Variants in USPL1 observed in about 807,000 individuals in gnomAD.
The protein encoded by USPL1 is ubiquitin specific peptidase like 1.
USPL1 carries 27 observed loss-of-function variants against 51.5 expected under a neutral mutation model. That is an observed-to-expected ratio of 0.52 (90% CI 0.39 to 0.72). The LOEUF (loss-of-function observed/expected upper bound fraction) is 0.72, where lower values mean the gene tolerates loss of function less well. USPL1 is among the 30% of genes least tolerant of loss of function. The pLI, the probability that USPL1 is intolerant of heterozygous loss-of-function variation, is 0.00. For missense variants in USPL1, 1,226 were observed against 1,268.0 expected, an observed-to-expected ratio of 0.97 and a Z score of 0.50; for synonymous variants, 451 against 459.6, an observed-to-expected ratio of 0.98 and a Z score of 0.24.
Position 30,625,344 on chromosome 13 carries a change from A to G in USPL1, c.228+3452A>G, listed in dbSNP as rs139230639. ...AGAGCAAGGTTTTGGGGAGAAGATC[A>G]GGACTGTAAGAATAGAGAAGTCCTT... On this transcript the variant is annotated intron_variant, in intron 3 of 8. Coordinates refer to ENST00000255304, the MANE Select transcript of USPL1 (RefSeq NM_005800.5). 3.9e-3 allele frequency among the ~76,000 whole-genome samples: 589 copies of G among 152,248 alleles called. 2 individuals are homozygous for G. The highest frequency in any genetic ancestry group is 0.013 in the African/African-American group (560 of 41,532).
intron 6 of USPL1, among the ~76,000 whole-genome samples, chr13:30,645,012 C>A (rs1214770999): frequency 6.6e-6 from 1 of 152,098 alleles, no homozygotes; most frequent in African/African-American, 2.4e-5. Context: ...ATCCTAGTGT[C>A]CTCATTTGGC....
intron 6 of USPL1, among the ~76,000 whole-genome samples, chr13:30,645,250 A>G (rs1444691117): frequency 6.6e-6 from 1 of 152,206 alleles, no homozygotes; most frequent in Non-Finnish European, 1.5e-5. Flanking sequence ...GTTGTTTGAC[A>G]GTTTTCGGTT....
rs748578356 is a variant in USPL1 at position 30,657,699 on chromosome 13, C to T, written c.1622C>T (p.Ser541Leu). Reference protein sequence around the residue: ...LTSCSVGDAASAETASVTHPK... With the variant: ...LTSCSVGDAALAETASVTHPK... ...TCGTGTTCTGTGGGTGATGCTGCCT[C>T]AGCTGAAACAGCCTCAGTAACTCAC... Residue 541 changes from serine (S) to leucine (L), a missense_variant, in exon 9 of 9, where the codon TCA (serine) becomes TTA (leucine). Ser to Leu is a moderately radical substitution (Grantham distance 145). Transcript: ENST00000255304. 8.7e-6 allele frequency: 14 copies of T among 1,614,062 alleles called. No individual in the cohort carries two copies. Among genetic ancestry groups the T allele is most frequent in the Admixed American group, 3.3e-5 (2 of 60,010 alleles).
At chr13:30,628,422 A>G (rs180909286) in intron 3 of USPL1, among the ~76,000 whole-genome samples, 1 of 152,108 alleles carries the variant, frequency 6.6e-6, no homozygotes, top group Admixed American at 6.5e-5. Context: ...AAGTTCTGGG[A>G]TACATGTGCA....
In USPL1 at chr13:30,647,002, G is replaced by T. The variant is rs756082560; in HGVS notation, c.1183G>T (p.Gly395Cys). 15 of 1,613,594 alleles carry T rather than the reference G, an allele frequency of 9.3e-6. No homozygotes were observed. Among genetic ancestry groups the T allele is most frequent in the Non-Finnish European group, 1.2e-5 (14 of 1,179,732 alleles). ...EWHPLNAAHF[G>C]PCNNCNSKSQ... ...GCACCCACTTAATGCTGCCCATTTT[G>T]GTCCATGTAACAATTGCAACAGTAA... Residue 395 changes from glycine (G) to cysteine (C), a missense_variant, in exon 7 of 9, where the codon GGT (glycine) becomes TGT (cysteine). Physicochemically the swap from Gly to Cys is radical, Grantham distance 159. Transcript: ENST00000255304.
chr13:30,631,068 T>A lies in USPL1; in HGVS notation c.462T>A (p.Pro154=). The change falls in exon 4 of 9, where the codon CCT becomes CCA. Residue 154 remains proline, a synonymous_variant. Coordinates refer to ENST00000255304, the MANE Select transcript of USPL1 (RefSeq NM_005800.5). ...EVYDETSSNL[P]DSSGQQNPIR... Reference sequence around the variant, plus strand: ...ATGACGAAACCTCGTCAAACTTACCTGATAGTAGTGGTCAACAGAATCCAA... The same window carrying A: ...ATGACGAAACCTCGTCAAACTTACCAGATAGTAGTGGTCAACAGAATCCAA... 6.2e-7 allele frequency: 1 copy of A among 1,614,180 alleles called. No homozygotes were observed. Among genetic ancestry groups the A allele is most frequent in the Non-Finnish European group, 8.5e-7 (1 of 1,180,032 alleles).
Position 30,621,751 on chromosome 13 carries a change from A to G in USPL1, c.100-13A>G, listed in dbSNP as rs770036514. On this transcript the variant is annotated splice_polypyrimidine_tract_variant and intron_variant, in intron 2 of 8. Coordinates refer to ENST00000255304, the MANE Select transcript of USPL1 (RefSeq NM_005800.5). Reference sequence around the variant, plus strand: ...GAATGTCTATATTTTAATTTGCTTTATTTCTCTTTTAGAATTTTGATTCAG... The same window carrying G: ...GAATGTCTATATTTTAATTTGCTTTGTTTCTCTTTTAGAATTTTGATTCAG... 4.1e-6 allele frequency: 6 copies of G among 1,459,092 alleles called. No homozygotes were observed. Among genetic ancestry groups the G allele is most frequent in the Non-Finnish European group, 4.5e-6 (5 of 1,105,616 alleles). The allele number at this position is 1,459,092 out of a possible 1,614,324, so 90.4% of individuals were successfully genotyped here. A position where few individuals can be genotyped will look rare whatever the true frequency, so the allele number is the denominator to read the frequency against.
At position 30,657,987 on chromosome 13, in the gene USPL1, C is replaced by T; in HGVS notation, c.1910C>T (p.Ser637Leu). 1 of 1,613,570 alleles carries T rather than the reference C, an allele frequency of 6.2e-7. No homozygotes were observed. ...GAATCACTAATGGCTTCTTCAGTATCAGCTCCATGTAATGAAAAGCTTATT... is the reference window on the plus strand; with the variant it reads ...GAATCACTAATGGCTTCTTCAGTATTAGCTCCATGTAATGAAAAGCTTATT... ...SQESLMASSVSAPCNEKLIQD... is the reference protein window; with the variant it reads ...SQESLMASSVLAPCNEKLIQD... Residue 637 changes from serine (S) to leucine (L), a missense_variant, in exon 9 of 9, where the codon TCA becomes TTA. Ser to Leu is a moderately radical substitution (Grantham distance 145, BLOSUM62 -2). Transcript: ENST00000255304.
At chr13:30,656,597 T>C (rs541620405) in intron 8 of USPL1, among the ~76,000 whole-genome samples, 6 of 152,368 alleles carry the variant, frequency 3.9e-5, no homozygotes, top group Admixed American at 1.3e-4. Flanking sequence ...GTTACGGACA[T>C]TTGACTATTG....
At chr13:30,623,080 G>A (rs1011618193) in intron 3 of USPL1, among the ~76,000 whole-genome samples, 1 of 152,094 alleles carries the variant, frequency 6.6e-6, no homozygotes, top group Non-Finnish European at 1.5e-5. Context: ...AGGCAGTAGG[G>A]ACTGGAATGC....
intron 8 of USPL1, among the ~76,000 whole-genome samples, chr13:30,656,107 G>A (rs540867020): frequency 1.4e-3 from 220 of 152,290 alleles, no homozygotes; most frequent in African/African-American, 5.1e-3. Flanking sequence ...TCATGTGGTA[G>A]TAAGTAAAAT....
rs749743447 is a variant in USPL1 at position 30,658,499 on chromosome 13, G to A, written c.2422G>A (p.Ala808Thr). The change falls in exon 9 of 9, where the codon GCC becomes ACC. Residue 808 changes from alanine (A) to threonine (T), a missense_variant. Transcript: ENST00000255304. ...GFKTKGINQKASHVSKKARKS... is the reference protein window; with the variant it reads ...GFKTKGINQKTSHVSKKARKS... ...TAAAACTAAAGGTATAAACCAGAAG[G>A]CCAGCCACGTATCCAAGAAAGCTCG... 1.9e-6 allele frequency: 3 copies of A among 1,613,908 alleles called. No individual in the cohort carries two copies. In the East Asian group the frequency reaches 6.7e-5, roughly 36 times the overall value.
chr13:30,637,224 A>G (rs759565998), intron 4 of USPL1, among the ~76,000 whole-genome samples: 2 of 152,200 alleles, frequency 1.3e-5, no homozygotes, highest in African/African-American at 2.4e-5. Context: ...GATAAACACT[A>G]TGTTGCCACT....
rs1487649961 is a variant in USPL1 at position 30,658,422 on chromosome 13, C to A, written c.2345C>A (p.Thr782Asn). Residue 782 changes from threonine (T) to asparagine (N), a missense_variant, in exon 9 of 9, where the codon ACT becomes AAT. Transcript: ENST00000255304. ...PLCVSAHNRN[T>N]ITDLQPSVKG... Reference sequence around the variant, plus strand: ...TGTGTTTCAGCTCATAATAGAAACACTATAACTGATTTACAACCTTCAGTT... The same window carrying A: ...TGTGTTTCAGCTCATAATAGAAACAATATAACTGATTTACAACCTTCAGTT... 1.9e-6 allele frequency: 3 copies of A among 1,613,724 alleles called. No individual in the cohort carries two copies. In the South Asian group the frequency reaches 3.3e-5, roughly 18 times the overall value.
chr13:30,631,002 CGGT>C lies in USPL1; in HGVS notation c.399_401del (p.Gly134del). ...AGACTAGAAATTATATTGCTATTGACGGTGGAAAAGTTTTGAACAGCAAACATA... is the reference window on the plus strand; with the variant it reads ...AGACTAGAAATTATATTGCTATTGACGGAAAAGTTTTGAACAGCAAACATA... On this transcript the variant is annotated inframe_deletion, in exon 4 of 9. Coordinates refer to ENST00000255304, the MANE Select transcript of USPL1 (RefSeq NM_005800.5). 2 of 1,613,962 alleles carry C rather than the reference CGGT, an allele frequency of 1.2e-6. No individual in the cohort carries two copies. The highest frequency in any genetic ancestry group is 1.7e-6 in the Non-Finnish European group (2 of 1,180,018).
At position 30,658,569 on chromosome 13, in the gene USPL1, G is replaced by A; in HGVS notation, c.2492G>A (p.Gly831Asp). 1 of 1,614,108 alleles carries A rather than the reference G, an allele frequency of 6.2e-7. No homozygotes were observed. Among genetic ancestry groups the A allele is most frequent in the Non-Finnish European group, 8.5e-7 (1 of 1,180,012 alleles). The change falls in exon 9 of 9, where the codon GGC (glycine) becomes GAC (aspartate). Residue 831 changes from glycine (G) to aspartate (D), a missense_variant. Physicochemically the swap from Gly to Asp is moderately conservative, Grantham distance 94 (BLOSUM62 -1). Coordinates refer to ENST00000255304, the MANE Select transcript of USPL1 (RefSeq NM_005800.5). ...CCTCCCATCAGTAAGCCACCAGCAG[G>A]CCCTCCATCGTCTAATGGCACAGCT... Reference protein sequence around the residue: ...KPPPISKPPAGPPSSNGTAAH... With the variant: ...KPPPISKPPADPPSSNGTAAH...
rs148255451 is a variant in USPL1, at chr13:30,658,854, A to T, written c.2777A>T (p.Asp926Val). The change falls in exon 9 of 9, where the codon GAT becomes GTT. Residue 926 changes from aspartate (D) to valine (V), a missense_variant. By Grantham distance (152) the Asp-to-Val change is radical. Transcript: ENST00000255304. The stretch of plus-strand genomic sequence containing the variant: ...GAAAATCTAGAACAGGTGCCCCAGG[A>T]TGGGTCTCCAAATGATTGTGAATCA... ...RSENLEQVPQDGSPNDCESIE... is the reference protein window; with the variant it reads ...RSENLEQVPQVGSPNDCESIE... The T allele has an allele frequency of 6.7e-5, 108 of 1,613,882 alleles. No individual in the cohort carries two copies. The highest frequency in any genetic ancestry group is 8.8e-5 in the Non-Finnish European group (104 of 1,180,038).
At chr13:30,637,646 A>T (rs1430775112) in intron 4 of USPL1, 98 bp from the exon 5 acceptor site, 7 of 1,010,446 alleles carry the variant, frequency 6.9e-6, no homozygotes, top group Non-Finnish European at 2.9e-6. Context: ...CTGTTTGCAA[A>T]ACTTACTGAC....
intron 7 of USPL1, among the ~76,000 whole-genome samples, chr13:30,651,917 C>T: frequency 6.6e-6 from 1 of 151,922 alleles, no homozygotes; most frequent in Non-Finnish European, 1.5e-5. Context: ...GATTGCACCA[C>T]TGCACTCCAA....
Sources: allele counts gnomAD v4.1 joint callset (sites outside exome capture counted in the v4.1 genomes callset), GRCh38; gene constraint gnomAD v4.1.1; transcripts MANE v1.5; gene names NCBI Gene and HGNC (gene_info 2026-07-23, HGNC 2026-07-21).